Variants in EIF2S3 observed in about 807,000 individuals in gnomAD.
EIF2S3 encodes eukaryotic translation initiation factor 2 subunit 3.
Under a neutral mutation model 31.7 loss-of-function variants are expected in EIF2S3, and 2 were observed. The ratio of observed to expected loss-of-function variants is 0.06; its 90% confidence interval spans 0.03 to 0.20. The LOEUF (loss-of-function observed/expected upper bound fraction) is 0.20, where lower values mean the gene tolerates loss of function less well. Ranked by LOEUF, EIF2S3 falls within the 10% of genes least tolerant of loss-of-function variation. EIF2S3 has a pLI of 1.00. For missense variants in EIF2S3, 96 were observed against 359.3 expected (o/e 0.27, Z 5.92); for synonymous variants, 120 against 126.7 (o/e 0.95, Z 0.36).
At chrX:24,073,508 T>C (rs910910475) in intron 11 of EIF2S3, 4 of 237,785 alleles carry the variant, frequency 1.7e-5, no homozygotes, top group South Asian at 1.5e-4. Flanking sequence ...CTGGCTAACA[T>C]GGTGAAACCC....
chrX:24,055,980 GAC>G (rs1193559360), intron 2 of EIF2S3, among the ~76,000 whole-genome samples: 3 of 111,875 alleles, frequency 2.7e-5, no homozygotes, highest in African/African-American at 6.5e-5. Flanking sequence ...GGCTGTACTT[GAC>G]ACACAGGATT....
chrX:24,058,536 C>CTTTTTTTTTT (rs1183377998), intron 4 of EIF2S3, among the ~76,000 whole-genome samples: 1 of 83,079 alleles, frequency 1.2e-5, no homozygotes, highest in African/African-American at 5.1e-5. Context: ...TTTTTTCTTT[C>CTTTTTTTTTT]TTTTTTTTTT....
intron 6 of EIF2S3, among the ~76,000 whole-genome samples, chrX:24,063,474 A>G (rs374366705): frequency 8.9e-6 from 1 of 111,837 alleles, no homozygotes. Context: ...TTTGACGTAT[A>G]ATCAATACGT....
In EIF2S3 at chrX:24,075,861, G is replaced by T. The variant is rs371851700; in HGVS notation, c.1356-861G>T. ...TAGGACTATTGGCTCACACCACCGT[G>T]ATCAGCTAATTTTTTTGTTTTTTGT... On this transcript the variant is annotated intron_variant, in intron 11 of 11. Coordinates refer to ENST00000253039, the MANE Select transcript of EIF2S3 (RefSeq NM_001415.4). Among the ~76,000 whole-genome samples the T allele has an allele frequency of 2.0e-4, 22 of 110,898 alleles. No homozygotes were observed. In the South Asian group the frequency reaches 7.7e-3, roughly 39 times the overall value.
intron 4 of EIF2S3, among the ~76,000 whole-genome samples, chrX:24,058,536 C>CTTTTTTTTT (rs1183377998): frequency 3.6e-5 from 3 of 83,079 alleles, no homozygotes; most frequent in East Asian, 7.1e-4. Flanking sequence ...TTTTTTCTTT[C>CTTTTTTTTT]TTTTTTTTTT....
intron 7 of EIF2S3, 42 bp from the exon 8 acceptor site, chrX:24,065,951 TCTAAA>T (rs746570963): frequency 8.4e-6 from 9 of 1,067,289 alleles, no homozygotes; most frequent in Non-Finnish European, 2.6e-6. Context: ...TAATATTTCT[TCTAAA>T]GTTAAGATTA....
In EIF2S3 at chrX:24,057,468, A is replaced by G. The variant is rs745737387; in HGVS notation, c.181A>G (p.Ile61Val). 3 of 1,210,084 alleles carry G rather than the reference A, an allele frequency of 2.5e-6. No homozygotes were observed. Among genetic ancestry groups the G allele is most frequent in the South Asian group, 1.8e-5 (1 of 56,506 alleles). ...TGGGAAATCCACAGTCGTCAAAGCT[A>G]TTTCTGGAGTTCATACTGTCAGGTT... ...AHGKSTVVKA[I>V]SGVHTVRFKN... Residue 61 changes from isoleucine to valine, a missense_variant, in exon 3 of 12, where the codon ATT (isoleucine) becomes GTT (valine). By Grantham distance (29) the Ile-to-Val change is conservative. Around this residue, in one of 5 missense-constraint regions of EIF2S3, gnomAD observed 7 missense variants for 45.1 expected, o/e 0.16. Transcript: ENST00000253039.
intron 9 of EIF2S3, among the ~76,000 whole-genome samples, chrX:24,068,394 T>C (rs1930610272): frequency 8.9e-6 from 1 of 111,854 alleles, no homozygotes; most frequent in Admixed American, 9.5e-5. Flanking sequence ...ATGTAAGATA[T>C]TTACCTACAC....
chrX:24,058,536 C>CTTTTT (rs1183377998), intron 4 of EIF2S3, among the ~76,000 whole-genome samples: 28 of 83,068 alleles, frequency 3.4e-4, no homozygotes, highest in South Asian at 5.6e-4. Flanking sequence ...TTTTTTCTTT[C>CTTTTT]TTTTTTTTTT....
At chrX:24,066,560 T>C (rs1569279354) in intron 8 of EIF2S3, among the ~76,000 whole-genome samples, 1 of 107,974 alleles carries the variant, frequency 9.3e-6, no homozygotes, top group Non-Finnish European at 1.9e-5. Flanking sequence ...TCTTGCTGTT[T>C]CGCCCAAGCT....
chrX:24,058,372 A>C (rs1186048647), intron 4 of EIF2S3, among the ~76,000 whole-genome samples: 1 of 111,584 alleles, frequency 9.0e-6, no homozygotes, highest in African/African-American at 3.3e-5. Context: ...AAATTAATGC[A>C]AAAAATGTGA....
intron 4 of EIF2S3, among the ~76,000 whole-genome samples, chrX:24,059,505 C>T (rs757808393): frequency 4.5e-5 from 5 of 110,024 alleles, no homozygotes; most frequent in African/African-American, 1.7e-4. Flanking sequence ...GCATTGCAAC[C>T]TCCACCTCCT....
intron 5 of EIF2S3, among the ~76,000 whole-genome samples, chrX:24,060,949 A>AG (rs1738619457): frequency 2.9e-4 from 1 of 3,483 alleles, no homozygotes; most frequent in South Asian, 0.013. Flanking sequence ...ACTACATCTC[A>AG]AAAAAAAAAA....
At chrX:24,062,338 C>A in intron 5 of EIF2S3, 78 bp from the exon 6 acceptor site, 2 of 1,085,225 alleles carry the variant, frequency 1.8e-6, no homozygotes, top group African/African-American at 1.9e-5. Flanking sequence ...TTTGCTTTGT[C>A]TCTTTATGGA....
At position 24,067,952 on chromosome X, in the gene EIF2S3, A is replaced by T; in HGVS notation, c.868-12A>T. The T allele has an allele frequency of 3.4e-6, 4 of 1,172,393 alleles. No individual in the cohort carries two copies. The highest frequency in any genetic ancestry group is 3.4e-6 in the Non-Finnish European group (3 of 872,419). ...AACACAGTAATTCTAATTACTAATTATATGTTTACAGGTGGGCCAGGAGAT... is the reference window on the plus strand; with the variant it reads ...AACACAGTAATTCTAATTACTAATTTTATGTTTACAGGTGGGCCAGGAGAT... On this transcript the variant is annotated splice_polypyrimidine_tract_variant and intron_variant, in intron 8 of 11. Transcript: ENST00000253039.
intron 4 of EIF2S3, 54 bp from the exon 5 acceptor site, chrX:24,060,034 G>T: frequency 1.1e-6 from 1 of 909,546 alleles, no homozygotes; most frequent in Non-Finnish European, 1.6e-6. Flanking sequence ...TCTAAAACTA[G>T]CATGTGTAAG....
At chrX:24,067,359 A>G (rs187378242) in intron 8 of EIF2S3, among the ~76,000 whole-genome samples, 213 of 111,103 alleles carry the variant, frequency 1.9e-3, no homozygotes, top group Non-Finnish European at 3.5e-3. Context: ...GTTTTCTGTT[A>G]TGTCTTTTGA....
At chrX:24,075,414 C>G (rs1930739296) in intron 11 of EIF2S3, among the ~76,000 whole-genome samples, 1 of 111,203 alleles carries the variant, frequency 9.0e-6, no homozygotes, top group South Asian at 3.8e-4. Flanking sequence ...GAGTTTGCCC[C>G]TTGCTTTCCA....
chrX:24,071,194 C>CT (rs779322058), intron 9 of EIF2S3, among the ~76,000 whole-genome samples: 385 of 100,912 alleles, frequency 3.8e-3, no homozygotes, highest in Middle Eastern at 0.015. Flanking sequence ...ATCTAATTCA[C>CT]TTTTTTTTTT....
Sources: allele counts gnomAD v4.1 joint callset (sites outside exome capture counted in the v4.1 genomes callset), GRCh38; gene constraint gnomAD v4.1.1; regional missense constraint gnomAD v4.1.1; transcripts MANE v1.5; gene names NCBI Gene and HGNC (gene_info 2026-07-23, HGNC 2026-07-21).